Variants in RBM20 observed in about 807,000 individuals in gnomAD.
RBM20 encodes RNA-binding protein 20.
A neutral mutation model predicts 110.1 loss-of-function variants in RBM20; 51 were observed. That is an observed-to-expected ratio of 0.46 (90% CI 0.37 to 0.59). The LOEUF (loss-of-function observed/expected upper bound fraction) is 0.59. Among genes scored for constraint, RBM20 ranks in the 20% least tolerant of loss-of-function variants. RBM20 has a pLI of 0.00. For missense variants in RBM20, 1,512 were observed against 1,574.9 expected (o/e 0.96, Z 0.68); for synonymous variants, 589 against 618.2 (o/e 0.95, Z 0.70).
At chr10:110,783,159 A>T (rs1023540401) in intron 2 of RBM20, among the ~76,000 whole-genome samples, 2 of 151,988 alleles carry the variant, frequency 1.3e-5, no homozygotes, top group Admixed American at 1.3e-4. Context: ...ATGGATGAGG[A>T]GCTGATGGAG....
At chr10:110,695,001 G>A (rs1862640107) in intron 1 of RBM20, among the ~76,000 whole-genome samples, 1 of 152,162 alleles carries the variant, frequency 6.6e-6, no homozygotes, top group African/African-American at 2.4e-5. Context: ...CTTACCTCTT[G>A]AGTTACATTT....
At chr10:110,695,082 A>G (rs549794544) in intron 1 of RBM20, among the ~76,000 whole-genome samples, 5 of 152,228 alleles carry the variant, frequency 3.3e-5, no homozygotes, top group African/African-American at 1.2e-4. Context: ...CTGCCACAGG[A>G]TTGATTTTTG....
Position 110,781,265 on chromosome 10 carries a change from C to T in RBM20, c.656C>T (p.Thr219Ile). Residue 219 changes from threonine (T) to isoleucine (I), a missense_variant, in exon 2 of 14, where the codon ACT becomes ATT. Physicochemically the swap from Thr to Ile is moderately conservative, Grantham distance 89. Around this residue, in one of 3 missense-constraint regions of RBM20, gnomAD observed 1,149 missense variants for 1,169.4 expected, o/e 0.98. Coordinates refer to ENST00000369519, the MANE Select transcript of RBM20 (RefSeq NM_001134363.3). ...GCAGTCATCTTGGGCATTGGCAAGACTGGGCCTGCTCCAGCTACAGCAGGA... is the reference window on the plus strand; with the variant it reads ...GCAGTCATCTTGGGCATTGGCAAGATTGGGCCTGCTCCAGCTACAGCAGGA... ...QPAVILGIGKTGPAPATAGFY... is the reference protein window; with the variant it reads ...QPAVILGIGKIGPAPATAGFY... 1 of 1,551,714 alleles carries T rather than the reference C, an allele frequency of 6.4e-7. No homozygotes were observed.
intron 12 of RBM20, among the ~76,000 whole-genome samples, chr10:110,824,137 C>G (rs1486688894): frequency 1.3e-5 from 2 of 152,162 alleles, no homozygotes; most frequent in African/African-American, 4.8e-5. Flanking sequence ...TCCGTGAAAA[C>G]AGCCTTGAAT....
intron 1 of RBM20, among the ~76,000 whole-genome samples, chr10:110,667,067 GTGGTCTTAC>G (rs1171352251): frequency 6.6e-6 from 1 of 152,220 alleles, no homozygotes; most frequent in African/African-American, 2.4e-5. Context: ...TAGGATGTGT[GTGGTCTTAC>G]TGTTCTGTGC....
chr10:110,764,635 AC>A lies in RBM20; in HGVS notation c.192-16161del, dbSNP rs559839425. On this transcript the variant is annotated intron_variant, in intron 1 of 13. Transcript: ENST00000369519. ...CGCTCCCTCCCTCCCTCGCTTGCAT[AC>A]CCCCTCCGCTGCCCCTTTCCAGACT... Among the ~76,000 whole-genome samples, 557 of 151,814 alleles carry A rather than the reference AC, an allele frequency of 3.7e-3. 4 individuals carry two copies. The highest frequency in any genetic ancestry group is 0.013 in the African/African-American group (534 of 41,358).
chr10:110,828,885 T>A (rs190261618), intron 12 of RBM20, among the ~76,000 whole-genome samples: 75 of 152,278 alleles, frequency 4.9e-4, no homozygotes, highest in Non-Finnish European at 8.5e-4. Context: ...TCAAGTGAAA[T>A]CGGTTCCAGA....
At chr10:110,703,519 G>T (rs1862790663) in intron 1 of RBM20, among the ~76,000 whole-genome samples, 1 of 152,128 alleles carries the variant, frequency 6.6e-6, no homozygotes, top group South Asian at 2.1e-4. Context: ...AACTGTAGAA[G>T]AGTATCACAG....
intron 9 of RBM20, among the ~76,000 whole-genome samples, chr10:110,819,566 A>G (rs1042382611): frequency 2.0e-5 from 3 of 152,174 alleles, no homozygotes; most frequent in African/African-American, 7.2e-5. Flanking sequence ...AGGGAGTGTT[A>G]GTTTGGGCTA....
intron 1 of RBM20, among the ~76,000 whole-genome samples, chr10:110,685,753 C>T (rs1862494811): frequency 7.0e-6 from 1 of 142,756 alleles, no homozygotes; most frequent in Non-Finnish European, 1.5e-5. Context: ...GCGGGAGGGT[C>T]GGGAGGTGGG....
chr10:110,744,642 C>T (rs1436390123), intron 1 of RBM20, among the ~76,000 whole-genome samples: 1 of 152,124 alleles, frequency 6.6e-6, no homozygotes, highest in Non-Finnish European at 1.5e-5. Flanking sequence ...GTGTCTGAGG[C>T]CTGCTGAAGT....
At chr10:110,809,726 T>C (rs1844741185) in intron 7 of RBM20, among the ~76,000 whole-genome samples, 2 of 152,184 alleles carry the variant, frequency 1.3e-5, no homozygotes, top group African/African-American at 2.4e-5. Context: ...ATGTCTGTGC[T>C]TGAGGTGTTG....
chr10:110,780,031 A>C (rs1250858971), intron 1 of RBM20, among the ~76,000 whole-genome samples: 5 of 152,112 alleles, frequency 3.3e-5, no homozygotes, highest in Non-Finnish European at 5.9e-5. Context: ...CAAATTCAAG[A>C]TAATGTTTAC....
chr10:110,749,413 C>G (rs1385132734), intron 1 of RBM20, among the ~76,000 whole-genome samples: 1 of 151,152 alleles, frequency 6.6e-6, no homozygotes, highest in Admixed American at 6.6e-5. Flanking sequence ...AATAGGGTAC[C>G]TAGAAAAAAA....
chr10:110,726,691 A>G (rs1442914933), intron 1 of RBM20, among the ~76,000 whole-genome samples: 5 of 151,830 alleles, frequency 3.3e-5, no homozygotes, highest in African/African-American at 4.9e-5. Context: ...TTGCAGGTTC[A>G]AGGGTCTCCA....
At chr10:110,746,170 C>T (rs547376735) in intron 1 of RBM20, among the ~76,000 whole-genome samples, 12 of 152,206 alleles carry the variant, frequency 7.9e-5, no homozygotes, top group Admixed American at 2.6e-4. Context: ...GAGGCTGGTG[C>T]GGGCTTGTTC....
intron 1 of RBM20, among the ~76,000 whole-genome samples, chr10:110,674,922 A>G (rs189951030): frequency 6.6e-6 from 1 of 152,368 alleles, no homozygotes; most frequent in East Asian, 1.9e-4. Context: ...AATATATCAT[A>G]TACTGTCCTC....
chr10:110,672,932 T>C (rs1862283387), intron 1 of RBM20, among the ~76,000 whole-genome samples: 1 of 152,244 alleles, frequency 6.6e-6, no homozygotes, highest in Non-Finnish European at 1.5e-5. Flanking sequence ...AATTGTACTA[T>C]GAAGCTCAAC....
chr10:110,824,005 G>A (rs1844951301), intron 12 of RBM20, among the ~76,000 whole-genome samples: 2 of 151,968 alleles, frequency 1.3e-5, no homozygotes, highest in Non-Finnish European at 2.9e-5. Flanking sequence ...GGGACTACAG[G>A]TGTGAGCCAC....
Sources: gnomAD v4.1 joint callset for allele counts (sites outside exome capture counted in the v4.1 genomes callset) on GRCh38, gnomAD v4.1.1 for gene constraint, gnomAD v4.1.1 regional missense constraint, MANE v1.5 for transcripts, NCBI Gene and HGNC (gene_info 2026-07-23, HGNC 2026-07-21) for gene names.